The following SAMD12 variants were observed in gnomAD, a reference collection of about 807,000 sequenced individuals.
SAMD12 encodes sterile alpha motif domain-containing protein 12.
Under a neutral mutation model 15.0 loss-of-function variants are expected in SAMD12, and 9 were observed. That is an observed-to-expected ratio of 0.60 (90% CI 0.36 to 1.05). The LOEUF (loss-of-function observed/expected upper bound fraction) is 1.05. SAMD12 is among the 50% of genes least tolerant of loss of function. The pLI is 0.01. For missense variants in SAMD12, 230 were observed against 234.2 expected, an observed-to-expected ratio of 0.98 and a Z score of 0.12; for synonymous variants, 86 against 90.1, an observed-to-expected ratio of 0.96 and a Z score of 0.25.
intron 1 of SAMD12, among the ~76,000 whole-genome samples, chr8:118,588,627 T>C (rs1397783747): frequency 6.6e-6 from 1 of 152,222 alleles, no homozygotes; most frequent in Non-Finnish European, 1.5e-5. Context: ...ACAGACCACG[T>C]GGCCTGCAAA....
chr8:118,490,309 A>G (rs1824406882), intron 2 of SAMD12, among the ~76,000 whole-genome samples: 1 of 152,188 alleles, frequency 6.6e-6, no homozygotes, highest in Admixed American at 6.5e-5. Flanking sequence ...GGTCATGTCT[A>G]TCATTTTCCT....
the SAMD12 span, among the ~76,000 whole-genome samples, chr8:118,168,929 C>T: frequency 2.6e-5 from 4 of 152,040 alleles, no homozygotes. Context: ...CATCAATGAC[C>T]CTAACAATGA....
At chr8:118,296,643 T>C (rs1814729572) in intron 4 of SAMD12, among the ~76,000 whole-genome samples, 1 of 152,232 alleles carries the variant, frequency 6.6e-6, no homozygotes, top group Non-Finnish European at 1.5e-5. Context: ...ATAGCAGCTA[T>C]TTGCTGACAC....
chr8:118,288,056 C>T (rs1275088401), intron 4 of SAMD12, among the ~76,000 whole-genome samples: 3 of 152,060 alleles, frequency 2.0e-5, no homozygotes, highest in African/African-American at 7.2e-5. Context: ...TCCTGAAGAC[C>T]AAGCGTGGGC....
At chr8:118,495,228 T>G (rs1824575268) in intron 2 of SAMD12, among the ~76,000 whole-genome samples, 1 of 152,184 alleles carries the variant, frequency 6.6e-6, no homozygotes, top group South Asian at 2.1e-4. Context: ...CAGATTGTCA[T>G]GGGACATATG....
At chr8:118,269,791 G>A (rs998102572) in intron 4 of SAMD12, among the ~76,000 whole-genome samples, 2 of 152,222 alleles carry the variant, frequency 1.3e-5, no homozygotes, top group African/African-American at 4.8e-5. Context: ...CAGTTAGCAA[G>A]AATTGTTTGC....
chr8:118,431,088 C>T (rs138411504), intron 3 of SAMD12, among the ~76,000 whole-genome samples: 6 of 152,184 alleles, frequency 3.9e-5, no homozygotes, highest in East Asian at 3.9e-4. Flanking sequence ...TAACAATATA[C>T]GTTTTTAAGT....
intron 2 of SAMD12, among the ~76,000 whole-genome samples, chr8:118,446,609 G>A (rs1445133386): frequency 3.3e-5 from 5 of 152,212 alleles, no homozygotes; most frequent in African/African-American, 4.8e-5. Flanking sequence ...ATCCGAAAAC[G>A]TATCCTATGA....
intron 4 of SAMD12, among the ~76,000 whole-genome samples, chr8:118,265,033 G>A (rs1342648603): frequency 6.6e-6 from 1 of 152,140 alleles, no homozygotes; most frequent in Non-Finnish European, 1.5e-5. Flanking sequence ...TTCATAATGA[G>A]AACATCCTGG....
At position 118,419,018 on chromosome 8, in the gene SAMD12, C is replaced by T. The variant is rs918621765; in HGVS notation, c.322+20814G>A. Among the ~76,000 whole-genome samples the T allele has an allele frequency of 1.6e-4, 24 of 152,152 alleles. 1 individual carries two copies. Among genetic ancestry groups the T allele is most frequent in the African/African-American group, 5.5e-4 (23 of 41,450 alleles). ...ATTAATAAGGAATGACTATGCCTGACATAATTTACATCATTCTAGATTCCT... is the reference window on the plus strand; with the variant it reads ...ATTAATAAGGAATGACTATGCCTGATATAATTTACATCATTCTAGATTCCT... On this transcript the variant is annotated intron_variant, in intron 3 of 3. Transcript: ENST00000314727.
At chr8:118,365,087 A>C (rs1818700880) in intron 4 of SAMD12, among the ~76,000 whole-genome samples, 2 of 152,162 alleles carry the variant, frequency 1.3e-5, no homozygotes, top group Admixed American at 6.5e-5. Context: ...TCCTTGAGAA[A>C]AGCAAACATA....
intron 2 of SAMD12, among the ~76,000 whole-genome samples, chr8:118,533,140 C>G (rs1290150826): frequency 6.6e-6 from 1 of 152,054 alleles, no homozygotes; most frequent in African/African-American, 2.4e-5. Flanking sequence ...TATGTTGTGT[C>G]TTTGTTCTCG....
chr8:118,244,484 T>G (rs1369621799), intron 4 of SAMD12, among the ~76,000 whole-genome samples: 1 of 152,162 alleles, frequency 6.6e-6, no homozygotes, highest in Non-Finnish European at 1.5e-5. Context: ...GCCATTGGCT[T>G]TTTTAATCAC....
In SAMD12 at chr8:118,305,077, A is replaced by C. The variant is rs947483038; in HGVS notation, c.433+74483T>G. Among the ~76,000 whole-genome samples the C allele has an allele frequency of 5.4e-5, 7 of 129,982 alleles. No individual in the cohort carries two copies. The Admixed American group carries it at 5.7e-4, about 11-fold the overall frequency. 85.3% of individuals were successfully genotyped at this position (129,982 alleles called of 152,430 possible). A position where few individuals can be genotyped will look rare whatever the true frequency, so the allele number is the denominator to read the frequency against. The stretch of plus-strand genomic sequence containing the variant: ...GGCACAAAAATTGCTTGAACCCGGG[A>C]GGCGGAGGTTGCAGTGAGCCAAGAT... On this transcript the variant is annotated intron_variant, in intron 4 of 4. Coordinates refer to the SAMD12 transcript ENST00000409003.
At chr8:118,275,767 G>A (rs1191096229) in intron 4 of SAMD12, among the ~76,000 whole-genome samples, 1 of 152,096 alleles carries the variant, frequency 6.6e-6, no homozygotes, top group Non-Finnish European at 1.5e-5. Context: ...ATGTTCATGA[G>A]TACCCAGCAT....
At chr8:118,607,071 C>G (rs1358138981) in intron 1 of SAMD12, among the ~76,000 whole-genome samples, 1 of 152,168 alleles carries the variant, frequency 6.6e-6, no homozygotes, top group African/African-American at 2.4e-5. Context: ...ATATCCTCTC[C>G]TGACATTTGA....
the SAMD12 span, among the ~76,000 whole-genome samples, chr8:118,142,050 C>T: frequency 6.6e-6 from 1 of 152,134 alleles, no homozygotes; most frequent in East Asian, 1.9e-4. Context: ...AATTTTGTGG[C>T]CCCAACTAGA....
chr8:118,276,962 TCA>T (rs569418200), intron 4 of SAMD12, among the ~76,000 whole-genome samples: 85 of 152,262 alleles, frequency 5.6e-4, no homozygotes, highest in African/African-American at 1.6e-3. Context: ...TGTGCGCCAC[TCA>T]CACACAGTTT....
chr8:118,388,530 T>C (rs1820085885), intron 3 of SAMD12, among the ~76,000 whole-genome samples: 1 of 152,160 alleles, frequency 6.6e-6, no homozygotes, highest in Non-Finnish European at 1.5e-5. Flanking sequence ...GCTTATTATG[T>C]TTGTCTTTGG....
Sources: allele counts gnomAD v4.1 joint callset (sites outside exome capture counted in the v4.1 genomes callset), GRCh38; gene constraint gnomAD v4.1.1; transcripts MANE v1.5; gene names NCBI Gene and HGNC (gene_info 2026-07-23, HGNC 2026-07-21).